The following TDRD9 variants were observed in gnomAD, a reference collection of about 807,000 sequenced individuals.
TDRD9 encodes ATP-dependent RNA helicase TDRD9.
In TDRD9, 124 loss-of-function variants were observed where a neutral mutation model predicts 172.6. The ratio of observed to expected loss-of-function variants is 0.72; its 90% CI spans 0.62 to 0.83. The LOEUF (loss-of-function observed/expected upper bound fraction) is 0.83. Among genes scored for constraint, TDRD9 ranks in the 40% least tolerant of loss-of-function variants. The pLI is 0.00. For synonymous variants in TDRD9, 619 were observed against 617.1 expected, an observed-to-expected ratio of 1.00 and a Z score of -0.05; for missense variants, 1,479 against 1,714.1, an observed-to-expected ratio of 0.86 and a Z score of 2.42.
At chr14:103,944,333 G>C (rs912622469) in intron 1 of TDRD9, among the ~76,000 whole-genome samples, 3 of 152,100 alleles carry the variant, frequency 2.0e-5, no homozygotes, top group African/African-American at 7.2e-5. Flanking sequence ...TGGTTCAACT[G>C]TTTTTTCTCT....
At chr14:103,993,189 G>A (rs1200072164) in intron 9 of TDRD9, among the ~76,000 whole-genome samples, 1 of 151,660 alleles carries the variant, frequency 6.6e-6, no homozygotes, top group African/African-American at 2.4e-5. Context: ...AGCTTGCACA[G>A]GCTAGTCTCG....
At chr14:104,030,815 C>A (rs912997951) in intron 28 of TDRD9, among the ~76,000 whole-genome samples, 5 of 152,090 alleles carry the variant, frequency 3.3e-5, no homozygotes, top group Non-Finnish European at 7.4e-5. Context: ...ACATCACACA[C>A]TGGGGACTGT....
chr14:104,015,107 G>A (rs2034746653), intron 21 of TDRD9, among the ~76,000 whole-genome samples: 1 of 152,138 alleles, frequency 6.6e-6, no homozygotes, highest in African/African-American at 2.4e-5. Context: ...CTAATTTCCA[G>A]GGGAGTGTTT....
intron 34 of TDRD9, among the ~76,000 whole-genome samples, chr14:104,046,356 T>G (rs2035776178): frequency 6.6e-6 from 1 of 152,220 alleles, no homozygotes; most frequent in Non-Finnish European, 1.5e-5. Context: ...TTTGTAATTT[T>G]TTATGTTTAG....
In TDRD9 at chr14:104,006,648, G is replaced by A. The variant is rs1176562310; in HGVS notation, c.1882G>A (p.Ala628Thr). 6.2e-7 allele frequency: 1 copy of A among 1,613,768 alleles called. No homozygotes were observed. The highest frequency in any genetic ancestry group is 8.5e-7 in the Non-Finnish European group (1 of 1,179,766). Residue 628 changes from alanine to threonine, a missense_variant and splice_region_variant, in exon 17 of 36, where the codon GCA becomes ACA. Ala to Thr is a moderately conservative substitution (Grantham distance 58). Transcript: ENST00000409874. ...TCTTGTTTATTTTTTATGGTTAGCG[G>A]CAGCTCTTTCTTTGAAGAATTTTTT... ...GCLDECLIIA[A>T]ALSLKNFFAM...
intron 8 of TDRD9, among the ~76,000 whole-genome samples, chr14:103,987,132 A>ATG (rs1566761686): frequency 7.1e-6 from 1 of 140,758 alleles, no homozygotes; most frequent in African/African-American, 2.6e-5. Context: ...ATACACACAC[A>ATG]CACACACACA....
At chr14:103,939,741 G>GTGTTTTTTTTTT (rs2031077493) in intron 1 of TDRD9, 1 of 4,640 alleles carries the variant, frequency 2.2e-4, no homozygotes, top group East Asian at 0.013. Flanking sequence ...TTGAAAAAAA[G>GTGTTTTTTTTTT]TGTTTTTTTT....
intron 28 of TDRD9, among the ~76,000 whole-genome samples, chr14:104,030,586 A>T (rs1403896117): frequency 2.0e-5 from 3 of 152,214 alleles, no homozygotes; most frequent in African/African-American, 4.8e-5. Flanking sequence ...AGGCTGTCGG[A>T]TTTCTTTTGT....
At chr14:104,009,917 C>T (rs1396358354) in intron 20 of TDRD9, among the ~76,000 whole-genome samples, 2 of 151,512 alleles carry the variant, frequency 1.3e-5, no homozygotes, top group Non-Finnish European at 2.9e-5. Context: ...AGGCATATGT[C>T]ACCACTCGTA....
chr14:104,035,570 T>C (rs2035426714), intron 32 of TDRD9, among the ~76,000 whole-genome samples: 1 of 152,230 alleles, frequency 6.6e-6, no homozygotes, highest in South Asian at 2.1e-4. Flanking sequence ...TGAGCAGAGC[T>C]CTTAAAGGCA....
intron 3 of TDRD9, 96 bp downstream of exon 3, chr14:103,963,272 G>A: frequency 2.3e-6 from 2 of 865,624 alleles, no homozygotes; most frequent in Non-Finnish European, 1.8e-6. Context: ...CAGTTGCCAG[G>A]TGAACACTTC....
Position 103,995,737 on chromosome 14 carries a change from T to C in TDRD9, c.1321-13T>C, listed in dbSNP as rs748865403. 1 of 1,581,268 alleles carries C rather than the reference T, an allele frequency of 6.3e-7. No homozygotes were observed. Among genetic ancestry groups the C allele is most frequent in the South Asian group, 1.2e-5 (1 of 84,722 alleles). On this transcript the variant is annotated splice_polypyrimidine_tract_variant and intron_variant, in intron 11 of 35. Transcript: ENST00000409874. ...TAGTAGGAATGTCAGCTTTTTTCTTTGATGTTTAACAGATTATTCTGTCCA... is the reference window on the plus strand; with the variant it reads ...TAGTAGGAATGTCAGCTTTTTTCTTCGATGTTTAACAGATTATTCTGTCCA...
rs74086986 is a variant in TDRD9, at chr14:103,996,028, C to T, written c.1378+221C>T. Among the ~76,000 whole-genome samples the T allele has an allele frequency of 9.4e-3, 1,436 of 152,282 alleles. 21 individuals are homozygous for T. Among genetic ancestry groups the T allele is most frequent in the African/African-American group, 0.033 (1,362 of 41,546 alleles). On this transcript the variant is annotated intron_variant, in intron 12 of 35. Transcript: ENST00000409874. ...CATCCTTTAGGGCAAGCTGGCTCGTCGGAAGTGTTTGGGGTGTTCCACTGG... is the reference window on the plus strand; with the variant it reads ...CATCCTTTAGGGCAAGCTGGCTCGTTGGAAGTGTTTGGGGTGTTCCACTGG...
intron 31 of TDRD9, among the ~76,000 whole-genome samples, chr14:104,034,338 C>T (rs879859153): frequency 0.031 from 4,708 of 151,948 alleles, 103 homozygotes; most frequent in Non-Finnish European, 0.048. Context: ...CTACAAGCAC[C>T]TGCCACCATG....
chr14:104,002,818 A>G (rs2034307956), intron 13 of TDRD9, among the ~76,000 whole-genome samples: 1 of 149,568 alleles, frequency 6.7e-6, no homozygotes, highest in South Asian at 2.1e-4. Flanking sequence ...TGCAGTCTCC[A>G]CCTCCCAGGT....
intron 2 of TDRD9, 97 bp from the exon 3 acceptor site, chr14:103,962,982 G>GTC (rs1348099727): frequency 9.2e-6 from 6 of 653,436 alleles, no homozygotes; most frequent in Non-Finnish European, 1.6e-5. Flanking sequence ...GTGTGTGTGT[G>GTC]TGTGTGTGTG....
At chr14:104,040,392 C>G (rs1329765509) in intron 33 of TDRD9, 58 bp downstream of exon 33, 1 of 1,458,618 alleles carries the variant, frequency 6.9e-7, no homozygotes, top group African/African-American at 1.4e-5. Flanking sequence ...TTTTGCTTAC[C>G]TGACAGTGAG....
chr14:103,992,015 T>C lies in TDRD9; in HGVS notation c.1180+791T>C, dbSNP rs1395894063. On this transcript the variant is annotated intron_variant, in intron 9 of 35. Transcript: ENST00000409874. The stretch of plus-strand genomic sequence containing the variant: ...AATTTGCATTTTACATATGTCGTTA[T>C]AAATGTGAGGTAACTGTCATCAGTT... Among the ~76,000 whole-genome samples the C allele has an allele frequency of 2.0e-5, 3 of 152,236 alleles. No individual in the cohort carries two copies. The East Asian group carries it at 5.8e-4, about 29-fold the overall frequency.
intron 20 of TDRD9, 48 bp from the exon 21 acceptor site, chr14:104,014,677 A>G: frequency 9.2e-7 from 1 of 1,092,180 alleles, no homozygotes. Context: ...CACTGCTCTG[A>G]TGACATATGT....
Sources: gnomAD v4.1 joint callset for allele counts (sites outside exome capture counted in the v4.1 genomes callset) on GRCh38, gnomAD v4.1.1 for gene constraint, MANE v1.5 for transcripts, NCBI Gene and HGNC (gene_info 2026-07-23, HGNC 2026-07-21) for gene names.